SUPT16H: variants seen among roughly 807,000 people sequenced by gnomAD.
The protein encoded by SUPT16H is SPT16 homolog, facilitates chromatin remodeling subunit.
A neutral mutation model predicts 136.2 loss-of-function variants in SUPT16H; 24 were observed. That is an observed-to-expected ratio of 0.18 (90% CI 0.13 to 0.25). The LOEUF (loss-of-function observed/expected upper bound fraction) is 0.25, where lower values mean the gene tolerates loss of function less well. SUPT16H is among the 10% of genes least tolerant of loss of function. The pLI, the probability that SUPT16H is intolerant of heterozygous loss-of-function variation, is 1.00. For synonymous variants in SUPT16H, 415 were observed against 428.2 expected (o/e 0.97, Z 0.38); for missense variants, 623 against 1,270.2 (o/e 0.49, Z 7.74).
intron 6 of SUPT16H, among the ~76,000 whole-genome samples, 185 bp downstream of exon 6, chr14:21,369,019 T>G (rs1239041746): frequency 6.6e-6 from 1 of 152,056 alleles, no homozygotes; most frequent in East Asian, 1.9e-4. Flanking sequence ...CAGAGTAGGG[T>G]GACTATACTT....
intron 22 of SUPT16H, 27 bp downstream of exon 22, chr14:21,357,170 T>C: frequency 1.3e-6 from 2 of 1,536,614 alleles, no homozygotes; most frequent in South Asian, 1.3e-5. Context: ...ATGGGCTAAA[T>C]GGGAGACTGA....
Position 21,362,371 on chromosome 14 carries a change from G to T in SUPT16H, c.1666-47C>A, listed in dbSNP as rs747304532. 27 of 1,578,882 alleles carry T rather than the reference G, an allele frequency of 1.7e-5. No individual in the cohort carries two copies. In the South Asian group the frequency reaches 2.6e-4, roughly 15 times the overall value. On this transcript the variant is annotated intron_variant, in intron 14 of 25. Transcript: ENST00000216297. ...AAAGTAAACAGATTTCTTTCCTAGAGATTAGTAGTTACAGAGATGTTAAAA... is the reference window on the plus strand; with the variant it reads ...AAAGTAAACAGATTTCTTTCCTAGATATTAGTAGTTACAGAGATGTTAAAA...
intron 21 of SUPT16H, 78 bp downstream of exon 21, chr14:21,357,849 T>A (rs1023473002): frequency 7.6e-7 from 1 of 1,323,682 alleles, no homozygotes; most frequent in Admixed American, 2.0e-5. Flanking sequence ...AAAATGACAA[T>A]AATTAGGATA....
chr14:21,381,415 T>C (rs924400585), intron 1 of SUPT16H, among the ~76,000 whole-genome samples: 2 of 152,176 alleles, frequency 1.3e-5, no homozygotes, highest in South Asian at 4.1e-4. Flanking sequence ...GCCTATCAGT[T>C]CTCTACAACC....
rs761971260 is a variant in SUPT16H at position 21,369,176 on chromosome 14, C to G, written c.782+28G>C. ...GAAAAAATAGGCTAAAGTCAAAATG[C>G]TATATTATGAAGTCTTCATATACTT... On this transcript the variant is annotated intron_variant, in intron 6 of 25. Transcript: ENST00000216297. The G allele has an allele frequency of 1.8e-5, 29 of 1,585,700 alleles. No individual in the cohort carries two copies. The African/African-American group carries it at 3.7e-4, about 20-fold the overall frequency.
At position 21,383,745 on chromosome 14, in the gene SUPT16H, G is replaced by C. The variant is rs758853074; in HGVS notation, c.66+117C>G. ...TGAATGATTCGGGAGCAACGAAAAG[G>C]GTGAGGCACAGAACCCGGGAATTCC... On this transcript the variant is annotated intron_variant, in intron 1 of 25. Coordinates refer to ENST00000216297, the MANE Select transcript of SUPT16H (RefSeq NM_007192.4). 2.5e-6 allele frequency: 3 copies of C among 1,182,336 alleles called. No individual in the cohort carries two copies. The East Asian group carries it at 7.0e-5, about 28-fold the overall frequency. The allele number at this position is 1,182,336 out of a possible 1,614,324, so 73.2% of individuals were successfully genotyped here. A position where few individuals can be genotyped will look rare whatever the true frequency, so the allele number is the denominator to read the frequency against.
Position 21,362,848 on chromosome 14 carries a change from A to T in SUPT16H, c.1611T>A (p.Thr537=). The T allele has an allele frequency of 6.2e-7, 1 of 1,613,472 alleles. No individual in the cohort carries two copies. The change falls in exon 14 of 26, where the codon ACT becomes ACA. Residue 537 remains threonine (T), a synonymous_variant. Coordinates refer to ENST00000216297, the MANE Select transcript of SUPT16H (RefSeq NM_007192.4). ...MKIYIDKKYE[T]VIMPVFGIAT... ...CAATGCCAAACACGGGCATTATTAC[A>T]GTCTCATATTTCTTATCGATGTAGA...
intron 22 of SUPT16H, among the ~76,000 whole-genome samples, chr14:21,355,314 G>C (rs1208742299): frequency 6.6e-6 from 1 of 151,942 alleles, no homozygotes; most frequent in Non-Finnish European, 1.5e-5. Flanking sequence ...CTAACACGGT[G>C]AAACCCCGTC....
In SUPT16H at chr14:21,369,915, G is replaced by C. The variant is rs1413689323; in HGVS notation, c.484-19C>G. ...TATCTATCTGCAGTCAAAGTGACAA[G>C]AGTTTCTAACATGCAAGTACAGAAT... On this transcript the variant is annotated intron_variant, in intron 4 of 25. Transcript: ENST00000216297. 5 of 1,611,446 alleles carry C rather than the reference G, an allele frequency of 3.1e-6. No homozygotes were observed. The South Asian group carries it at 4.4e-5, about 14-fold the overall frequency.
intron 21 of SUPT16H, among the ~76,000 whole-genome samples, 173 bp from the exon 22 acceptor site, chr14:21,357,539 T>TC (rs1342965402): frequency 6.6e-6 from 1 of 150,958 alleles, no homozygotes; most frequent in Non-Finnish European, 1.5e-5. Flanking sequence ...AGAAAAAGGA[T>TC]CTGCAAGATA....
At chr14:21,381,776 A>T (rs1004158274) in intron 1 of SUPT16H, among the ~76,000 whole-genome samples, 53 of 122,374 alleles carry the variant, frequency 4.3e-4, no homozygotes, top group African/African-American at 1.5e-3. Flanking sequence ...TGCCTGGTTA[A>T]TTTATTTGCC....
chr14:21,358,369 A>G lies in SUPT16H; in HGVS notation c.2360T>C (p.Val787Ala), dbSNP rs1260859611. ...KTAFKNFIEK[V>A]EALTKEELEF... ...CAGTTCCTCCTTAGTTAGAGCCTCT[A>G]CTTTCTCAATGAAATTTTTAAAGGC... The change falls in exon 20 of 26, where the codon GTA becomes GCA. Residue 787 changes from valine (V) to alanine (A), a missense_variant. Physicochemically the swap from Val to Ala is moderately conservative, Grantham distance 64. Around this residue, in one of 7 missense-constraint regions of SUPT16H, gnomAD observed 74 missense variants for 193.8 expected, o/e 0.38. Transcript: ENST00000216297. The G allele has an allele frequency of 6.2e-7, 1 of 1,613,936 alleles. No homozygotes were observed. Among genetic ancestry groups the G allele is most frequent in the South Asian group, 1.1e-5 (1 of 91,062 alleles).
chr14:21,354,285 T>A (rs1372267041), intron 23 of SUPT16H, 126 bp downstream of exon 23: 2 of 1,084,300 alleles, frequency 1.8e-6, no homozygotes, highest in Non-Finnish European at 2.5e-6. Flanking sequence ...AACAATAATA[T>A]CAAGTGGTGT....
intron 1 of SUPT16H, among the ~76,000 whole-genome samples, chr14:21,381,200 A>T (rs1490951647): frequency 6.6e-6 from 1 of 152,148 alleles, no homozygotes; most frequent in Non-Finnish European, 1.5e-5. Flanking sequence ...ACTTAGATAC[A>T]GGGCTTAATA....
rs1886569764 is a variant in SUPT16H, at chr14:21,362,121, CACAG to C, written c.1793+72_1793+75del. 2.0e-6 allele frequency: 3 copies of C among 1,518,640 alleles called. No individual in the cohort carries two copies. In the East Asian group the frequency reaches 7.0e-5, roughly 36 times the overall value. 94.1% of individuals were successfully genotyped at this position (1,518,640 alleles called of 1,614,324 possible). ...CATTTACTAGGTAGGGAAAATGTAG[CACAG>C]ACAATGAAATGTTTCTGAGAGTACC... is the stretch of plus-strand genomic sequence containing the variant. On this transcript the variant is annotated intron_variant, in intron 15 of 25. Transcript: ENST00000216297.
chr14:21,365,860 T>C (rs1032727497), intron 8 of SUPT16H, among the ~76,000 whole-genome samples: 1 of 151,980 alleles, frequency 6.6e-6, no homozygotes, highest in African/African-American at 2.4e-5. Flanking sequence ...CCCAGCACTT[T>C]GGGAGATCAA....
rs372833590 is a variant in SUPT16H at position 21,362,821 on chromosome 14, T to C, written c.1638A>G (p.Ala546=). ...TGATTGTGGCAATGTGAAACGGTGTTGCAATGCCAAACACGGGCATTATTA... is the reference window on the plus strand; with the variant it reads ...TGATTGTGGCAATGTGAAACGGTGTCGCAATGCCAAACACGGGCATTATTA... ...ETVIMPVFGI[A]TPFHIATIKN... is the part of the protein sequence containing the mutation. Residue 546 remains alanine (A), a synonymous_variant, in exon 14 of 26, where the codon GCA becomes GCG. Coordinates refer to ENST00000216297, the MANE Select transcript of SUPT16H (RefSeq NM_007192.4). 18 of 1,610,778 alleles carry C rather than the reference T, an allele frequency of 1.1e-5. No homozygotes were observed. Among genetic ancestry groups the C allele is most frequent in the Non-Finnish European group, 1.5e-5 (18 of 1,179,220 alleles).
intron 10 of SUPT16H, among the ~76,000 whole-genome samples, 172 bp from the exon 11 acceptor site, chr14:21,363,675 T>G (rs1332520978): frequency 1.3e-5 from 2 of 152,186 alleles, no homozygotes; most frequent in African/African-American, 4.8e-5. Context: ...AGCTACAATT[T>G]TTTTTCTTTT....
chr14:21,365,107 T>G lies in SUPT16H; in HGVS notation c.1083A>C (p.Leu361=). ...TGTATTGATTTTTGCTATTGATTAC[T>G]AGGGAGCCTTCACGGAATTCAATTC... is the stretch of plus-strand genomic sequence containing the variant. The part of the protein sequence containing the change: ...GMGIEFREGS[L]VINSKNQYKL... Residue 361 remains leucine (L), a synonymous_variant, in exon 9 of 26, where the codon CTA becomes CTC. Transcript: ENST00000216297. 6.2e-7 allele frequency: 1 copy of G among 1,613,914 alleles called. No individual in the cohort carries two copies. Among genetic ancestry groups the G allele is most frequent in the Non-Finnish European group, 8.5e-7 (1 of 1,179,904 alleles).
Sources: allele counts gnomAD v4.1 joint callset (sites outside exome capture counted in the v4.1 genomes callset), GRCh38; gene constraint gnomAD v4.1.1; regional missense constraint gnomAD v4.1.1; transcripts MANE v1.5; gene names NCBI Gene and HGNC (gene_info 2026-07-23, HGNC 2026-07-21).